Variants in CUBN observed in about 807,000 individuals in gnomAD.
The protein encoded by CUBN is 460 kDa receptor.
A neutral mutation model predicts 405.3 loss-of-function variants in CUBN; 282 were observed. The observed-to-expected ratio is 0.70, with a 90% CI of 0.63 to 0.77. CUBN has a LOEUF of 0.77. Ranked by LOEUF, CUBN falls within the 30% of genes least tolerant of loss-of-function variation. The pLI is 0.00. For missense variants in CUBN, 4,514 were observed against 4,475.2 expected (o/e 1.01, Z -0.25); for synonymous variants, 1,684 against 1,617.0 (o/e 1.04, Z -0.99).
chr10:17,096,323 G>T (rs545640405), intron 14 of CUBN, among the ~76,000 whole-genome samples: 12 of 152,192 alleles, frequency 7.9e-5, no homozygotes, highest in African/African-American at 2.6e-4. Context: ...ATGTATGATA[G>T]ATATATTAGT....
intron 39 of CUBN, among the ~76,000 whole-genome samples, chr10:16,935,916 A>C (rs1311426687): frequency 1.3e-5 from 2 of 151,646 alleles, no homozygotes; most frequent in Non-Finnish European, 2.9e-5. Context: ...AAAGAAAGAA[A>C]TACTGATAGG....
intron 19 of CUBN, among the ~76,000 whole-genome samples, chr10:17,070,594 A>G (rs1279563839): frequency 6.6e-6 from 1 of 151,868 alleles, no homozygotes; most frequent in African/African-American, 2.4e-5. Flanking sequence ...TTAAAACTGT[A>G]TTCCTTCATG....
At chr10:17,087,136 ACT>A (rs45573838) in intron 15 of CUBN, among the ~76,000 whole-genome samples, 53,721 of 151,780 alleles carry the variant, frequency 0.35, 11,373 homozygotes, top group East Asian at 0.55. Context: ...AATTGCATTG[ACT>A]CTATTCCTCT....
At chr10:17,012,362 C>T (rs1272767591) in intron 28 of CUBN, among the ~76,000 whole-genome samples, 1 of 152,032 alleles carries the variant, frequency 6.6e-6, no homozygotes, top group Non-Finnish European at 1.5e-5. Context: ...GCATCTCGTA[C>T]TATCCCTGAC....
intron 31 of CUBN, among the ~76,000 whole-genome samples, chr10:16,979,778 A>G (rs183124350): frequency 2.6e-5 from 4 of 152,350 alleles, no homozygotes; most frequent in African/African-American, 9.6e-5. Flanking sequence ...GGACATAGGC[A>G]TGGGCAAAGA....
intron 22 of CUBN, among the ~76,000 whole-genome samples, chr10:17,052,987 G>T (rs1375212535): frequency 6.6e-6 from 1 of 151,566 alleles, no homozygotes; most frequent in Non-Finnish European, 1.5e-5. Flanking sequence ...TGAATTGGAA[G>T]GTATGAAATG....
At chr10:17,069,214 G>T (rs985393432) in intron 19 of CUBN, among the ~76,000 whole-genome samples, 5 of 151,938 alleles carry the variant, frequency 3.3e-5, no homozygotes, top group Admixed American at 2.6e-4. Flanking sequence ...CACTTAAGTT[G>T]TTTCTACTTT....
intron 15 of CUBN, among the ~76,000 whole-genome samples, chr10:17,086,681 G>A (rs907944319): frequency 8.6e-5 from 13 of 151,868 alleles, no homozygotes; most frequent in African/African-American, 3.1e-4. Context: ...ATAAACCACC[G>A]AGGAGTCAAT....
At chr10:17,030,298 G>A (rs1001822083) in intron 27 of CUBN, among the ~76,000 whole-genome samples, 15 of 141,116 alleles carry the variant, frequency 1.1e-4, no homozygotes, top group Admixed American at 1.4e-4. Flanking sequence ...CCCACCCCCG[G>A]TCCGTGGAAA....
chr10:16,962,627 GT>G (rs1204216442), intron 31 of CUBN, among the ~76,000 whole-genome samples: 1 of 152,172 alleles, frequency 6.6e-6, no homozygotes, highest in Non-Finnish European at 1.5e-5. Context: ...AGAAAAGATG[GT>G]TCCTGCCCTC....
rs1163213947 is a variant in CUBN, at chr10:16,989,588, T to TACAC, written c.4350+745_4350+746insGTGT. Among the ~76,000 whole-genome samples, 9 of 62,794 alleles carry TACAC rather than the reference T, an allele frequency of 1.4e-4. No homozygotes were observed. In the East Asian group the frequency reaches 2.6e-3, roughly 18 times the overall value. 41.2% of individuals were successfully genotyped at this position (62,794 alleles called of 152,430 possible). ...AAGCTATATATTTAAAATATATATA[T>TACAC]ATACACACACACACACATATTCTAA... On this transcript the variant is annotated intron_variant, in intron 29 of 66. Coordinates refer to ENST00000377833, the MANE Select transcript of CUBN (RefSeq NM_001081.4).
chr10:16,889,666 C>T (rs1476321944), intron 55 of CUBN, among the ~76,000 whole-genome samples: 3 of 151,716 alleles, frequency 2.0e-5, no homozygotes, highest in East Asian at 1.9e-4. Context: ...GAGGCCGAGG[C>T]GGGCGGTTCA....
intron 17 of CUBN, among the ~76,000 whole-genome samples, chr10:17,082,794 A>G (rs1836002211): frequency 6.6e-6 from 1 of 152,160 alleles, no homozygotes; most frequent in South Asian, 2.1e-4. Flanking sequence ...TCCCAGCTCC[A>G]TTACTTGCTA....
At chr10:17,126,066 T>C (rs1230877610) in intron 4 of CUBN, among the ~76,000 whole-genome samples, 4 of 152,170 alleles carry the variant, frequency 2.6e-5, no homozygotes, top group Non-Finnish European at 5.9e-5. Flanking sequence ...AGGAAAATGC[T>C]TGAAGCATGA....
intron 28 of CUBN, among the ~76,000 whole-genome samples, chr10:16,990,952 C>T (rs920720275): frequency 6.6e-6 from 1 of 152,030 alleles, no homozygotes; most frequent in African/African-American, 2.4e-5. Flanking sequence ...TTCTGCAGTC[C>T]CGTGCAGATC....
chr10:17,086,201 T>C (rs1301786482), intron 15 of CUBN, among the ~76,000 whole-genome samples: 1 of 152,072 alleles, frequency 6.6e-6, no homozygotes, highest in African/African-American at 2.4e-5. Context: ...CTTGACCTCA[T>C]GATCTGACCA....
In CUBN at chr10:16,874,312, A is replaced by G; in HGVS notation, c.9236+62T>C. The G allele has an allele frequency of 1.3e-6, 2 of 1,567,580 alleles. 1 individual carries two copies. Among genetic ancestry groups the G allele is most frequent in the Middle Eastern group, 3.3e-4 (2 of 5,986 alleles). On this transcript the variant is annotated intron_variant, in intron 58 of 66. Transcript: ENST00000377833. ...ATCAGTGCCCTCCATCAATAAACGA[A>G]TGGCTCTTCTATAAATAATGCTGAA...
In CUBN at chr10:16,928,160, T is replaced by C. The variant is rs201374966; in HGVS notation, c.6268A>G (p.Lys2090Glu). ...AAAAAATATTTGAACTCATTACTCT[T>C]GTGAAAGGATGCATTGAAGCCTGCC... Reference protein sequence around the residue: ...TRAGFNASFHKSCGGYLHADR... With the variant: ...TRAGFNASFHESCGGYLHADR... The change falls in exon 41 of 67, where the codon AAG becomes GAG. Residue 2090 changes from lysine (K) to glutamate (E), a missense_variant. By Grantham distance (56) the Lys-to-Glu change is moderately conservative. This residue lies in a region of CUBN where 1,613 missense variants were observed against 1,542.8 expected (regional missense o/e 1.05). Coordinates refer to ENST00000377833, the MANE Select transcript of CUBN (RefSeq NM_001081.4). The C allele has an allele frequency of 1.0e-4, 167 of 1,613,606 alleles. No individual in the cohort carries two copies. Among genetic ancestry groups the C allele is most frequent in the Non-Finnish European group, 1.4e-4 (163 of 1,179,708 alleles).
intron 61 of CUBN, 97 bp downstream of exon 61, chr10:16,840,788 T>G (rs1839323853): frequency 9.0e-7 from 1 of 1,111,924 alleles, no homozygotes; most frequent in Admixed American, 1.8e-5. Context: ...AGTTTAGTAA[T>G]TAACATTGAA....
Sources: gnomAD v4.1 joint callset for allele counts (sites outside exome capture counted in the v4.1 genomes callset) on GRCh38, gnomAD v4.1.1 for gene constraint, gnomAD v4.1.1 regional missense constraint, MANE v1.5 for transcripts, NCBI Gene and HGNC (gene_info 2026-07-23, HGNC 2026-07-21) for gene names.